ZNRF3: variants seen among roughly 807,000 people sequenced by gnomAD.
ZNRF3 encodes E3 ubiquitin-protein ligase ZNRF3.
In ZNRF3, 23 loss-of-function variants were observed where a neutral mutation model predicts 72.5. The ratio of observed to expected loss-of-function variants is 0.32; its 90% CI spans 0.23 to 0.45. The LOEUF is 0.45. Ranked by LOEUF, ZNRF3 falls within the 20% of genes least tolerant of loss-of-function variation. The pLI, the probability that ZNRF3 is intolerant of heterozygous loss-of-function variation, is 1.00. For synonymous variants in ZNRF3, 610 were observed against 545.3 expected (o/e 1.12, Z -1.65); for missense variants, 1,169 against 1,272.1 (o/e 0.92, Z 1.23).
At position 29,016,370 on chromosome 22, in the gene ZNRF3, G is replaced by A. The variant is rs116971131; in HGVS notation, c.427-26125G>A. Among the ~76,000 whole-genome samples the A allele has an allele frequency of 3.9e-5, 6 of 152,280 alleles. No homozygotes were observed. In the East Asian group the frequency reaches 1.2e-3, roughly 29 times the overall value. On this transcript the variant is annotated intron_variant, in intron 2 of 8. Transcript: ENST00000544604. Reference sequence around the variant, plus strand: ...TGAATAAGGAAACAAGGCTTTGCTGGGGCAGGGGGTGGGAGCTCTGGCAAA... The same window carrying A: ...TGAATAAGGAAACAAGGCTTTGCTGAGGCAGGGGGTGGGAGCTCTGGCAAA...
intron 1 of ZNRF3, among the ~76,000 whole-genome samples, chr22:28,955,191 C>T (rs132561): frequency 0.58 from 87,993 of 151,130 alleles, 27,479 homozygotes; most frequent in Non-Finnish European, 0.7. Context: ...CAGGCACGTG[C>T]CACCACACCC....
chr22:28,966,686 A>G (rs546929943), intron 1 of ZNRF3, among the ~76,000 whole-genome samples: 29 of 152,072 alleles, frequency 1.9e-4, no homozygotes, highest in African/African-American at 7.0e-4. Flanking sequence ...ATATAAAGAA[A>G]TTTTTTTACA....
At chr22:28,942,011 T>C (rs1160255350) in intron 1 of ZNRF3, among the ~76,000 whole-genome samples, 1 of 152,150 alleles carries the variant, frequency 6.6e-6, no homozygotes, top group Admixed American at 6.5e-5. Context: ...ACTGCATAAG[T>C]CTTCGACTTC....
chr22:29,042,827 T>C (rs2036990856), intron 3 of ZNRF3, among the ~76,000 whole-genome samples: 1 of 151,012 alleles, frequency 6.6e-6, no homozygotes, highest in South Asian at 2.1e-4. Flanking sequence ...CAGGCTGGAG[T>C]GCAGTGGCGC....
At chr22:28,950,004 A>G (rs1234544731) in intron 1 of ZNRF3, among the ~76,000 whole-genome samples, 1 of 152,024 alleles carries the variant, frequency 6.6e-6, no homozygotes, top group African/African-American at 2.4e-5. Flanking sequence ...TAATAAACTT[A>G]ATAGTTTTTA....
chr22:29,038,338 CTT>C (rs541653084), intron 2 of ZNRF3, among the ~76,000 whole-genome samples: 74 of 137,818 alleles, frequency 5.4e-4, no homozygotes, highest in Admixed American at 6.6e-4. Flanking sequence ...TGTTCTGTTG[CTT>C]TTTTTTTTTT....
intron 2 of ZNRF3, among the ~76,000 whole-genome samples, chr22:29,035,144 A>G (rs2036844231): frequency 6.6e-6 from 1 of 151,890 alleles, no homozygotes; most frequent in African/African-American, 2.4e-5. Flanking sequence ...GCGCTCAGCC[A>G]TGTTAGGCTT....
At chr22:28,939,620 C>A (rs1332352166) in intron 1 of ZNRF3, among the ~76,000 whole-genome samples, 3 of 151,990 alleles carry the variant, frequency 2.0e-5, no homozygotes, top group Non-Finnish European at 4.4e-5. Context: ...GCCTCACTCC[C>A]ATTTACATGT....
chr22:28,906,752 A>T (rs2123757336), intron 1 of ZNRF3, among the ~76,000 whole-genome samples: 1 of 152,292 alleles, frequency 6.6e-6, no homozygotes, highest in Non-Finnish European at 1.5e-5. Context: ...GCTGGTGCTG[A>T]GTAGGAACCC....
intron 2 of ZNRF3, among the ~76,000 whole-genome samples, chr22:29,007,258 G>T (rs1359420898): frequency 6.6e-6 from 1 of 152,178 alleles, no homozygotes; most frequent in Non-Finnish European, 1.5e-5. Context: ...ATTCTAGGGG[G>T]AAAGTTTGGT....
Position 28,956,222 on chromosome 22 carries a change from A to G in ZNRF3, c.301-30854A>G, listed in dbSNP as rs561437052. 2.6e-5 allele frequency among the ~76,000 whole-genome samples: 4 copies of G among 152,118 alleles called. No homozygotes were observed. In the South Asian group the frequency reaches 6.2e-4, roughly 24 times the overall value. ...ATGTGATGTGTGGGGCCTTCCCTGA[A>G]ATAGAAGGCACTGGACAGGCATGTA... On this transcript the variant is annotated intron_variant, in intron 1 of 8. Coordinates refer to ENST00000544604, the MANE Select transcript of ZNRF3 (RefSeq NM_001206998.2).
intron 1 of ZNRF3, among the ~76,000 whole-genome samples, chr22:28,938,711 T>A (rs767399012): frequency 1.8e-4 from 28 of 152,196 alleles, no homozygotes; most frequent in Non-Finnish European, 3.1e-4. Flanking sequence ...AGGTGAAGGG[T>A]ATGCTTAGGG....
At chr22:28,890,530 G>C (rs1276552910) in intron 1 of ZNRF3, among the ~76,000 whole-genome samples, 1 of 152,048 alleles carries the variant, frequency 6.6e-6, no homozygotes, top group African/African-American at 2.4e-5. Context: ...AAATCTGTGT[G>C]GGGTGTTTAT....
chr22:28,915,958 C>A (rs1296910125), intron 1 of ZNRF3, among the ~76,000 whole-genome samples: 4 of 152,230 alleles, frequency 2.6e-5, no homozygotes, highest in Non-Finnish European at 5.9e-5. Context: ...TTGTTCACCA[C>A]CCTTCCTCCC....
intron 1 of ZNRF3, among the ~76,000 whole-genome samples, chr22:28,966,498 ATG>A (rs1248987756): frequency 6.6e-6 from 1 of 152,228 alleles, no homozygotes; most frequent in Non-Finnish European, 1.5e-5. Context: ...ATGACAGCTC[ATG>A]TGTGTTACTG....
At chr22:29,009,600 A>T (rs1430571772) in intron 2 of ZNRF3, among the ~76,000 whole-genome samples, 1 of 152,198 alleles carries the variant, frequency 6.6e-6, no homozygotes, top group Non-Finnish European at 1.5e-5. Flanking sequence ...AGAGAGGAAT[A>T]AAACTTTGTA....
At chr22:28,903,654 A>T (rs2034152241) in intron 1 of ZNRF3, among the ~76,000 whole-genome samples, 1 of 151,952 alleles carries the variant, frequency 6.6e-6, no homozygotes, top group Non-Finnish European at 1.5e-5. Flanking sequence ...GAGTTCCATC[A>T]CTGCCTACCT....
At chr22:28,994,016 G>A (rs201818758) in intron 2 of ZNRF3, among the ~76,000 whole-genome samples, 12 of 151,920 alleles carry the variant, frequency 7.9e-5, no homozygotes, top group South Asian at 6.2e-4. Flanking sequence ...CACTTAACGC[G>A]TCTGTGTGTT....
intron 2 of ZNRF3, among the ~76,000 whole-genome samples, chr22:29,035,187 A>G (rs1181299631): frequency 6.6e-6 from 1 of 151,726 alleles, no homozygotes; most frequent in East Asian, 1.9e-4. Context: ...GGTAAGGTCT[A>G]CCTCCTGGCT....
Sources: allele counts gnomAD v4.1 joint callset (sites outside exome capture counted in the v4.1 genomes callset), GRCh38; gene constraint gnomAD v4.1.1; transcripts MANE v1.5; gene names NCBI Gene and HGNC (gene_info 2026-07-23, HGNC 2026-07-21).